The following NBEAL1 variants were observed in gnomAD, a reference collection of about 807,000 sequenced individuals.
NBEAL1 encodes neurobeachin-like protein 1.
A neutral mutation model predicts 351.3 loss-of-function variants in NBEAL1; 273 were observed. The ratio of observed to expected loss-of-function variants is 0.78; its 90% CI spans 0.70 to 0.86. The LOEUF is 0.86. NBEAL1 is among the 40% of genes least tolerant of loss of function. NBEAL1 has a pLI of 0.00. For missense variants in NBEAL1, 2,961 were observed against 3,201.3 expected (o/e 0.92, Z 1.81); for synonymous variants, 1,050 against 1,086.4 (o/e 0.97, Z 0.66).
chr2:203,115,982 C>G lies in NBEAL1; in HGVS notation c.2507-3C>G, dbSNP rs752637027. ...TGTGTATGTGTGTGTAAATAATTTT[C>G]AGGTCCAAATTGTTTAAGCCCTTGG... On this transcript the variant is annotated splice_polypyrimidine_tract_variant and splice_region_variant and intron_variant, in intron 17 of 55. Transcript: ENST00000683969. 3.9e-6 allele frequency: 6 copies of G among 1,547,976 alleles called. No individual in the cohort carries two copies. Among genetic ancestry groups the G allele is most frequent in the Non-Finnish European group, 5.2e-6 (6 of 1,143,058 alleles).
Position 203,113,167 on chromosome 2 carries a change from T to G in NBEAL1, c.2355T>G (p.Ile785Met). 1 of 1,552,212 alleles carries G rather than the reference T, an allele frequency of 6.4e-7. No homozygotes were observed. The highest frequency in any genetic ancestry group is 8.7e-7 in the Non-Finnish European group (1 of 1,147,106). ...ILSSASWGGT[I>M]EKSKLITKLI... The stretch of plus-strand genomic sequence containing the variant: ...CATCAGCCTCCTGGGGAGGAACAAT[T>G]GAAAAATCAAAATTGATTACCAAAT... Residue 785 changes from isoleucine to methionine, a missense_variant, in exon 17 of 56, where the codon ATT becomes ATG. Coordinates refer to ENST00000683969, the MANE Select transcript of NBEAL1 (RefSeq NM_001378026.1).
At chr2:203,043,677 T>C (rs1441771747) in intron 3 of NBEAL1, among the ~76,000 whole-genome samples, 2 of 150,394 alleles carry the variant, frequency 1.3e-5, no homozygotes, top group East Asian at 3.9e-4. Context: ...TGTAGTGTGC[T>C]GTGATCGTGC....
chr2:203,215,620 G>A (rs981019029), intron 55 of NBEAL1, among the ~76,000 whole-genome samples: 5 of 151,526 alleles, frequency 3.3e-5, no homozygotes, highest in Non-Finnish European at 5.9e-5. Flanking sequence ...CCCAGGAGGC[G>A]CAGGTTGCAG....
At chr2:203,044,039 C>G (rs1309073364) in intron 3 of NBEAL1, among the ~76,000 whole-genome samples, 2 of 152,034 alleles carry the variant, frequency 1.3e-5, no homozygotes, top group African/African-American at 4.8e-5. Context: ...TTCAAAGTCA[C>G]TTTAGTGGCT....
intron 47 of NBEAL1, among the ~76,000 whole-genome samples, chr2:203,196,725 C>G (rs997418456): frequency 6.6e-6 from 1 of 152,164 alleles, no homozygotes; most frequent in African/African-American, 2.4e-5. Flanking sequence ...TATTAGGTAT[C>G]ACTTGTGAAC....
At position 203,210,974 on chromosome 2, in the gene NBEAL1, A is replaced by T; in HGVS notation, c.7802A>T (p.His2601Leu). Residue 2601 changes from histidine (H) to leucine (L), a missense_variant, in exon 54 of 56, where the codon CAT (histidine) becomes CTT (leucine). Transcript: ENST00000683969. ...KTTLKDKNAL[H>L]LFSINGKYLG... ...TCTTTTCAGGATAAGAATGCATTAC[A>T]TCTGTTTTCTATAAATGGCAAGTAT... 1 of 1,584,246 alleles carries T rather than the reference A, an allele frequency of 6.3e-7. No individual in the cohort carries two copies. The highest frequency in any genetic ancestry group is 2.3e-5 in the East Asian group (1 of 44,326).
intron 7 of NBEAL1, chr2:203,074,905 A>G (rs1432532632): frequency 6.5e-6 from 1 of 152,924 alleles, no homozygotes; most frequent in Non-Finnish European, 1.5e-5. Context: ...TTAGTGGCTT[A>G]AAGGGATTTT....
chr2:203,222,679 G>A lies in NBEAL1; in HGVS notation c.*5325G>A, dbSNP rs1318536316. Among the ~76,000 whole-genome samples, 1 of 152,052 alleles carries A rather than the reference G, an allele frequency of 6.6e-6. No homozygotes were observed. Among genetic ancestry groups the A allele is most frequent in the Non-Finnish European group, 1.5e-5 (1 of 67,988 alleles). On this transcript the variant is annotated 3_prime_UTR_variant, in exon 56 of 56. Coordinates refer to ENST00000683969, the MANE Select transcript of NBEAL1 (RefSeq NM_001378026.1). ...TAGTTCCTGGTGACTTTCAGTGAAC[G>A]TTTTGCAAACTTGAATTAGGCAACA...
intron 4 of NBEAL1, among the ~76,000 whole-genome samples, chr2:203,053,997 C>G (rs1263872266): frequency 6.6e-6 from 1 of 151,974 alleles, no homozygotes; most frequent in Non-Finnish European, 1.5e-5. Flanking sequence ...ACACTCCAGG[C>G]TGGAGTGTAC....
Position 203,107,490 on chromosome 2 carries a change from TGGAATTACTTAA to T in NBEAL1, c.1341_1352del (p.Leu450_Leu453del). 6.4e-7 allele frequency: 1 copy of T among 1,551,124 alleles called. No individual in the cohort carries two copies. The highest frequency in any genetic ancestry group is 8.7e-7 in the Non-Finnish European group (1 of 1,146,162). ...TTAAAATCCCTGGGTCAGCCACCAC[TGGAATTACTTAA>T]AGAACTTATGAATATGGTGAGTTTA... On this transcript the variant is annotated inframe_deletion, in exon 13 of 56. Transcript: ENST00000683969.
chr2:203,035,404 A>C (rs539817791), intron 2 of NBEAL1, among the ~76,000 whole-genome samples: 1 of 149,622 alleles, frequency 6.7e-6, no homozygotes, highest in South Asian at 2.1e-4. Context: ...GTCCAAAAAG[A>C]AAGATTATTT....
At chr2:203,197,223 A>C in intron 47 of NBEAL1, 79 bp from the exon 48 acceptor site, 1 of 772,742 alleles carries the variant, frequency 1.3e-6, no homozygotes, top group South Asian at 1.7e-5. Flanking sequence ...ATTCATCCTT[A>C]TTTAAAGAGA....
At chr2:203,057,854 T>G (rs1441592896) in intron 6 of NBEAL1, among the ~76,000 whole-genome samples, 1 of 151,514 alleles carries the variant, frequency 6.6e-6, no homozygotes, top group Admixed American at 6.6e-5. Context: ...TTTGTCTTTT[T>G]GAGACAGAGT....
At chr2:203,087,693 A>G (rs79937844) in intron 10 of NBEAL1, among the ~76,000 whole-genome samples, 2,426 of 152,302 alleles carry the variant, frequency 0.016, 69 homozygotes, top group African/African-American at 0.056. Context: ...CTCTTTTAAA[A>G]AGATTACTAC....
At chr2:203,048,625 C>G (rs146380145) in intron 3 of NBEAL1, among the ~76,000 whole-genome samples, 1 of 152,096 alleles carries the variant, frequency 6.6e-6, no homozygotes, top group South Asian at 2.1e-4. Context: ...GGTACTTCAG[C>G]GTCCATAGGG....
chr2:203,042,495 T>C (rs1402010474), intron 3 of NBEAL1, among the ~76,000 whole-genome samples: 1 of 152,198 alleles, frequency 6.6e-6, no homozygotes, highest in Non-Finnish European at 1.5e-5. Context: ...TACTACATAA[T>C]TGATTATGTG....
chr2:203,186,720 C>T lies in NBEAL1; in HGVS notation c.6706-1752C>T, dbSNP rs552439868. On this transcript the variant is annotated intron_variant, in intron 44 of 55. Transcript: ENST00000683969. ...GAATTGAAGGCCAAAGGTCTCTCTT[C>T]TTTTTTAAACAGTTTCTCTCTTTTA... Among the ~76,000 whole-genome samples the T allele has an allele frequency of 2.0e-5, 3 of 152,250 alleles. No individual in the cohort carries two copies. The South Asian group carries it at 6.2e-4, about 32-fold the overall frequency.
chr2:203,147,404 A>G (rs2063539844), intron 33 of NBEAL1, among the ~76,000 whole-genome samples: 2 of 152,144 alleles, frequency 1.3e-5, no homozygotes, highest in Non-Finnish European at 2.9e-5. Flanking sequence ...TTCTAAAAAT[A>G]CTTTTACAAT....
intron 6 of NBEAL1, among the ~76,000 whole-genome samples, chr2:203,067,310 C>T (rs1250943998): frequency 6.6e-5 from 10 of 152,210 alleles, no homozygotes. Context: ...GGTATAATCA[C>T]TGTTCTGCCT....
Sources: gnomAD v4.1 joint callset for allele counts (sites outside exome capture counted in the v4.1 genomes callset) on GRCh38, gnomAD v4.1.1 for gene constraint, MANE v1.5 for transcripts, NCBI Gene and HGNC (gene_info 2026-07-23, HGNC 2026-07-21) for gene names.